The following LCP1 variants were observed in gnomAD, a reference collection of about 807,000 sequenced individuals.
LCP1 encodes plastin-2.
A neutral mutation model predicts 72.0 loss-of-function variants in LCP1; 23 were observed. The observed-to-expected ratio is 0.32, with a 90% CI of 0.23 to 0.45. The LOEUF (loss-of-function observed/expected upper bound fraction) is 0.45, where lower values mean the gene tolerates loss of function less well. Ranked by LOEUF, LCP1 falls within the 20% of genes least tolerant of loss-of-function variation. The probability of loss-of-function intolerance (pLI) is 1.00; values close to 1 mark genes in which losing one functional copy is unlikely to be tolerated. For missense variants in LCP1, 571 were observed against 748.3 expected, an observed-to-expected ratio of 0.76 and a Z score of 2.76; for synonymous variants, 245 against 275.4, an observed-to-expected ratio of 0.89 and a Z score of 1.09.
At chr13:46,179,264 A>G (rs1593968898) in intron 1 of LCP1, among the ~76,000 whole-genome samples, 1 of 152,254 alleles carries the variant, frequency 6.6e-6, no homozygotes, top group East Asian at 1.9e-4. Context: ...GTAGAATGCA[A>G]AATATTATAT....
chr13:46,147,017 A>G lies in LCP1; in HGVS notation c.1065T>C (p.Val355=). ...GCRQFVTATD[V]VRGNPKLNLA... is the part of the protein sequence containing the mutation. ...AGTTCAACTTGGGGTTCCCTCGGAC[A>G]ACATCTGTGGCTGTGACAAACTGCC... The change falls in exon 10 of 16, where the codon GTT becomes GTC. Residue 355 remains valine (V), a synonymous_variant. Transcript: ENST00000323076. 6.2e-7 allele frequency: 1 copy of G among 1,614,116 alleles called. No homozygotes were observed. Among genetic ancestry groups the G allele is most frequent in the Non-Finnish European group, 8.5e-7 (1 of 1,180,010 alleles).
intron 1 of LCP1, among the ~76,000 whole-genome samples, chr13:46,177,035 C>T (rs749554513): frequency 1.6e-4 from 25 of 152,150 alleles, no homozygotes; most frequent in Non-Finnish European, 3.1e-4. Context: ...CTTTTCCTTC[C>T]GCCAGAAAGA....
At chr13:46,154,954 T>A in intron 5 of LCP1, 68 bp from the exon 6 acceptor site, 1 of 1,195,176 alleles carries the variant, frequency 8.4e-7, no homozygotes, top group Non-Finnish European at 1.2e-6. Flanking sequence ...ACGTTGAATT[T>A]AAATTCTAGC....
rs182602660 is a variant in LCP1, at chr13:46,159,814, C to A, written c.-24-128G>T. ...TGCATCCCCCATGATTTAGAACTAT[C>A]TTTCCAAAATGTAAGTCAGAAATAC... is the stretch of plus-strand genomic sequence containing the variant. On this transcript the variant is annotated intron_variant, in intron 1 of 15. Transcript: ENST00000323076. 2.1e-3 allele frequency: 1,352 copies of A among 632,886 alleles called. 23 individuals are homozygous for A. The highest frequency in any genetic ancestry group is 4.3e-4 in the Non-Finnish European group (155 of 359,128). The allele number at this position is 632,886 out of a possible 1,614,324, so 39.2% of individuals were successfully genotyped here. A position where few individuals can be genotyped will look rare whatever the true frequency, so the allele number is the denominator to read the frequency against.
At chr13:46,156,594 C>T (rs1350298650) in intron 4 of LCP1, 24 bp from the exon 5 acceptor site, 2 of 1,613,676 alleles carry the variant, frequency 1.2e-6, no homozygotes, top group Non-Finnish European at 1.7e-6. Context: ...ATTAAAGTGA[C>T]TCATTTGCAA....
chr13:46,148,040 A>G (rs2045741014), intron 9 of LCP1, among the ~76,000 whole-genome samples: 1 of 152,244 alleles, frequency 6.6e-6, no homozygotes, highest in South Asian at 2.1e-4. Flanking sequence ...AGTGGCGGCA[A>G]AACAGAAGTT....
Position 46,130,823 on chromosome 13 carries a change from T to C in LCP1, c.1742A>G (p.Asn581Ser). Residue 581 changes from asparagine (N) to serine (S), a missense_variant, in exon 15 of 16, where the codon AAC becomes AGC. By Grantham distance (46) the Asn-to-Ser change is conservative (BLOSUM62 1). Coordinates refer to ENST00000323076, the MANE Select transcript of LCP1 (RefSeq NM_002298.5). ...TENLNDDEKL[N>S]NAKYAISMAR... is the part of the protein sequence containing the mutation. The stretch of plus-strand genomic sequence containing the variant: ...ATTTTTATTTACGTACTTTGCATTG[T>C]TGAGTTTCTCATCATCATTCAGATT... 1 of 1,612,682 alleles carries C rather than the reference T, an allele frequency of 6.2e-7. No individual in the cohort carries two copies. The highest frequency in any genetic ancestry group is 1.1e-5 in the South Asian group (1 of 90,550).
Position 46,142,430 on chromosome 13 carries a change from A to G in LCP1, c.1369-5T>C. 1 of 1,612,988 alleles carries G rather than the reference A, an allele frequency of 6.2e-7. No individual in the cohort carries two copies. Among genetic ancestry groups the G allele is most frequent in the Non-Finnish European group, 8.5e-7 (1 of 1,179,156 alleles). ...CGCGTAGTTACAATTCTCAAGCTGA[A>G]TGAGCAGAAAGGAAAACGATTTAAC... On this transcript the variant is annotated splice_polypyrimidine_tract_variant and splice_region_variant and intron_variant, in intron 12 of 15. Coordinates refer to ENST00000323076, the MANE Select transcript of LCP1 (RefSeq NM_002298.5).
At chr13:46,143,907 A>G (rs1171348489) in intron 11 of LCP1, among the ~76,000 whole-genome samples, 1 of 152,196 alleles carries the variant, frequency 6.6e-6, no homozygotes, top group East Asian at 1.9e-4. Flanking sequence ...TCTACTAAAA[A>G]TACAAAAAAT....
chr13:46,134,762 G>T (rs1262533238), intron 13 of LCP1, among the ~76,000 whole-genome samples: 2 of 152,128 alleles, frequency 1.3e-5, no homozygotes, highest in Admixed American at 6.6e-5. Flanking sequence ...GAATTGGTTT[G>T]TTTGTTGTTT....
At chr13:46,144,092 A>C (rs1032721192) in intron 11 of LCP1, among the ~76,000 whole-genome samples, 2 of 152,192 alleles carry the variant, frequency 1.3e-5, no homozygotes, top group African/African-American at 4.8e-5. Flanking sequence ...TGAAAAAAAA[A>C]AGAAGAAAAT....
Position 46,154,863 on chromosome 13 carries a change from G to A in LCP1, c.515C>T (p.Pro172Leu), listed in dbSNP as rs775761413. The change falls in exon 6 of 16, where the codon CCA (proline) becomes CTA (leucine). Residue 172 changes from proline to leucine, a missense_variant. Pro to Leu is a moderately conservative substitution (Grantham distance 98). Transcript: ENST00000323076. Reference sequence around the variant, plus strand: ...GATTGTTCTTTCATCAATTGTGTCTGGCACTGACAGGTTGATCATTTTACT... The same window carrying A: ...GATTGTTCTTTCATCAATTGTGTCTAGCACTGACAGGTTGATCATTTTACT... ...VLCKMINLSV[P>L]DTIDERTINK... is the part of the protein sequence containing the mutation. The A allele has an allele frequency of 2.5e-5, 41 of 1,613,750 alleles. No homozygotes were observed. The highest frequency in any genetic ancestry group is 3.5e-5 in the Non-Finnish European group (41 of 1,179,830).
At chr13:46,152,495 G>C (rs144638290) in intron 7 of LCP1, among the ~76,000 whole-genome samples, 2 of 152,328 alleles carry the variant, frequency 1.3e-5, no homozygotes, top group East Asian at 1.9e-4. Context: ...TAAAGGCAAA[G>C]TGAGCTCTGA....
chr13:46,172,830 A>G (rs980219176), intron 1 of LCP1, among the ~76,000 whole-genome samples: 8 of 152,246 alleles, frequency 5.3e-5, no homozygotes, highest in Non-Finnish European at 1.0e-4. Flanking sequence ...CTGCAAAGAC[A>G]GGAGGGAACT....
At chr13:46,150,851 C>A in intron 8 of LCP1, 85 bp downstream of exon 8, 3 of 1,429,884 alleles carry the variant, frequency 2.1e-6, no homozygotes, top group South Asian at 1.3e-5. Context: ...AGAGAGGAAG[C>A]CCCAAATCTT....
At position 46,126,209 on chromosome 13, in the gene LCP1, A is replaced by T. The variant is rs1287129521; in HGVS notation, c.*1382T>A. ...AAATGGCTAAGTTCCATTACATACCACCACTAAAGAAGATACCTCATTGAT... is the reference window on the plus strand; with the variant it reads ...AAATGGCTAAGTTCCATTACATACCTCCACTAAAGAAGATACCTCATTGAT... On this transcript the variant is annotated 3_prime_UTR_variant, in exon 16 of 16. Coordinates refer to ENST00000323076, the MANE Select transcript of LCP1 (RefSeq NM_002298.5). 4.4e-6 allele frequency: 1 copy of T among 224,758 alleles called. No individual in the cohort carries two copies. Among genetic ancestry groups the T allele is most frequent in the Non-Finnish European group, 8.9e-6 (1 of 112,684 alleles). The allele number at this position is 224,758 out of a possible 1,614,324, so 13.9% of individuals were successfully genotyped here.
Position 46,130,275 on chromosome 13 carries a change from G to A in LCP1, c.1751+539C>T, listed in dbSNP as rs368614415. 2.6e-4 allele frequency among the ~76,000 whole-genome samples: 39 copies of A among 152,356 alleles called. No individual in the cohort carries two copies. In the South Asian group the frequency reaches 5.2e-3, roughly 20 times the overall value. ...GCAACTCTGCTGTTATAGCAGGGAA[G>A]CAGCTATAGACAAGATGCAAATGAA... On this transcript the variant is annotated intron_variant, in intron 15 of 15. Transcript: ENST00000323076.
At chr13:46,141,405 C>CAAAAAAAAAAAAAAAAAAAAAA (rs762462829) in intron 13 of LCP1, among the ~76,000 whole-genome samples, 1 of 52,344 alleles carries the variant, frequency 1.9e-5, no homozygotes, top group Non-Finnish European at 3.3e-5. Flanking sequence ...GACTCTGTCT[C>CAAAAAAAAAAAAAAAAAAAAAA]AAAAAAAAAA....
chr13:46,131,089 A>G (rs78863617), intron 14 of LCP1, 151 bp from the exon 15 acceptor site: 17,992 of 759,048 alleles, frequency 0.024, 331 homozygotes, highest in Middle Eastern at 0.03. Flanking sequence ...TGTTTCAAAT[A>G]AACTGTAGTT....
Sources: allele counts gnomAD v4.1 joint callset (sites outside exome capture counted in the v4.1 genomes callset), GRCh38; gene constraint gnomAD v4.1.1; transcripts MANE v1.5; gene names NCBI Gene and HGNC (gene_info 2026-07-23, HGNC 2026-07-21).